The following CCDC148 variants were observed in gnomAD, a reference collection of about 807,000 sequenced individuals.
The protein encoded by CCDC148 is coiled-coil domain containing 148.
Under a neutral mutation model 85.7 loss-of-function variants are expected in CCDC148, and 89 were observed. The observed-to-expected ratio is 1.04, with a 90% CI of 0.87 to 1.24. The LOEUF (loss-of-function observed/expected upper bound fraction) is 1.24. Among genes scored for constraint, CCDC148 ranks in the 50% most tolerant of loss-of-function variants. The pLI is 0.00. For missense variants in CCDC148, 692 were observed against 671.7 expected, an observed-to-expected ratio of 1.03 and a Z score of -0.33; for synonymous variants, 230 against 213.9, an observed-to-expected ratio of 1.08 and a Z score of -0.66.
intron 7 of CCDC148, among the ~76,000 whole-genome samples, chr2:158,330,963 C>T (rs1448890735): frequency 2.6e-5 from 4 of 152,052 alleles, no homozygotes; most frequent in Non-Finnish European, 5.9e-5. Context: ...AAAACAAGCT[C>T]CTGGATTCAT....
intron 2 of CCDC148, among the ~76,000 whole-genome samples, chr2:158,352,455 C>CAGG (rs1388463858): frequency 6.6e-6 from 1 of 152,112 alleles, no homozygotes; most frequent in Non-Finnish European, 1.5e-5. Flanking sequence ...CCAATGCGAT[C>CAGG]AGCTGGAAGA....
At chr2:158,277,868 T>C (rs970560856) in intron 9 of CCDC148, among the ~76,000 whole-genome samples, 1 of 150,012 alleles carries the variant, frequency 6.7e-6, no homozygotes, top group African/African-American at 2.4e-5. Flanking sequence ...AGGAGTTATG[T>C]TTTTTATTTT....
intron 3 of CCDC148, among the ~76,000 whole-genome samples, chr2:158,341,309 AT>A (rs10552652): frequency 0.66 from 91,287 of 138,664 alleles, 31,754 homozygotes; most frequent in South Asian, 0.78. Flanking sequence ...GTACATACAT[AT>A]TTTTTTTTTT....
At chr2:158,330,802 T>C (rs527553871) in intron 7 of CCDC148, among the ~76,000 whole-genome samples, 2 of 152,160 alleles carry the variant, frequency 1.3e-5, no homozygotes, top group African/African-American at 4.8e-5. Flanking sequence ...TGCATAGAGG[T>C]GTTTATAGTA....
chr2:158,416,783 G>A (rs1386820505), intron 1 of CCDC148, among the ~76,000 whole-genome samples: 2 of 152,042 alleles, frequency 1.3e-5, no homozygotes, highest in African/African-American at 4.8e-5. Context: ...CACATTTTCA[G>A]GTATCTTTAT....
chr2:158,183,007 C>T (rs543465967), intron 11 of CCDC148, among the ~76,000 whole-genome samples: 1 of 152,218 alleles, frequency 6.6e-6, no homozygotes, highest in Admixed American at 6.5e-5. Flanking sequence ...AGTGGCTAAA[C>T]TCAATAGTTT....
At chr2:158,421,472 C>A (rs1686778265) in intron 1 of CCDC148, among the ~76,000 whole-genome samples, 1 of 152,152 alleles carries the variant, frequency 6.6e-6, no homozygotes. Context: ...ACTGAACAAC[C>A]TACTCCTGAA....
chr2:158,365,899 A>G, intron 1 of CCDC148: 1 of 697,546 alleles, frequency 1.4e-6, no homozygotes, highest in South Asian at 2.3e-5. Flanking sequence ...ATGTAACCAG[A>G]AAGTGAGCTT....
chr2:158,432,259 G>C (rs1264599182), intron 1 of CCDC148, among the ~76,000 whole-genome samples: 1 of 151,582 alleles, frequency 6.6e-6, no homozygotes, highest in African/African-American at 2.4e-5. Flanking sequence ...AGGATGGTAG[G>C]CTTACATCCA....
rs1686873750 is a variant in CCDC148, at chr2:158,422,915, T to A, written c.25+33500A>T. 6.6e-5 allele frequency among the ~76,000 whole-genome samples: 10 copies of A among 151,898 alleles called. No individual in the cohort carries two copies. In the South Asian group the frequency reaches 1.9e-3, roughly 28 times the overall value. On this transcript the variant is annotated intron_variant, in intron 1 of 13. Coordinates refer to ENST00000283233, the MANE Select transcript of CCDC148 (RefSeq NM_138803.4). ...AGGATACAAAATCAATGTGCAAAAA[T>A]CACAAGCGGTCCTATACACCAATAA... is the stretch of plus-strand genomic sequence containing the variant.
At chr2:158,244,546 A>C (rs1034971010) in intron 10 of CCDC148, among the ~76,000 whole-genome samples, 1 of 152,016 alleles carries the variant, frequency 6.6e-6, no homozygotes, top group Non-Finnish European at 1.5e-5. Flanking sequence ...GGCCACCCTC[A>C]TCTCCTTGAG....
At chr2:158,311,245 A>G (rs1447249927) in intron 8 of CCDC148, among the ~76,000 whole-genome samples, 4 of 152,216 alleles carry the variant, frequency 2.6e-5, no homozygotes, top group African/African-American at 9.6e-5. Flanking sequence ...CGAGGTGGGC[A>G]GATCACTCGA....
At chr2:158,449,779 G>A (rs1327434384) in intron 1 of CCDC148, among the ~76,000 whole-genome samples, 2 of 152,136 alleles carry the variant, frequency 1.3e-5, no homozygotes, top group Non-Finnish European at 2.9e-5. Context: ...AGACAGGTAC[G>A]TTCAAAGTGG....
At chr2:158,441,760 G>A (rs899191653) in intron 1 of CCDC148, among the ~76,000 whole-genome samples, 1 of 152,110 alleles carries the variant, frequency 6.6e-6, no homozygotes, top group Admixed American at 6.5e-5. Context: ...CCTTAGAAGA[G>A]AGGAAAAGTG....
chr2:158,203,981 T>A (rs1671842774), intron 11 of CCDC148, among the ~76,000 whole-genome samples: 1 of 152,222 alleles, frequency 6.6e-6, no homozygotes, highest in Non-Finnish European at 1.5e-5. Context: ...AATTCCTTAT[T>A]CCTGTAGTTT....
At chr2:158,395,774 C>A (rs564871973) in intron 1 of CCDC148, among the ~76,000 whole-genome samples, 9 of 152,250 alleles carry the variant, frequency 5.9e-5, no homozygotes, top group Non-Finnish European at 1.0e-4. Context: ...TAGAGCTATA[C>A]ATTTTTGGCA....
At chr2:158,269,988 A>G (rs1426369652) in intron 9 of CCDC148, among the ~76,000 whole-genome samples, 2 of 152,168 alleles carry the variant, frequency 1.3e-5, no homozygotes, top group African/African-American at 2.4e-5. Flanking sequence ...GAACACAAGT[A>G]TGCATTTTTT....
At chr2:158,218,122 G>A (rs972120821) in intron 11 of CCDC148, among the ~76,000 whole-genome samples, 7 of 151,962 alleles carry the variant, frequency 4.6e-5, no homozygotes, top group African/African-American at 1.7e-4. Context: ...TATTTTAAAG[G>A]CCTTTTTCAC....
chr2:158,377,150 C>CT (rs966661545), intron 1 of CCDC148, among the ~76,000 whole-genome samples: 1 of 151,682 alleles, frequency 6.6e-6, no homozygotes, highest in Non-Finnish European at 1.5e-5. Flanking sequence ...TTTGAAAGTC[C>CT]TTTTTCAAAA....
Sources: gnomAD v4.1 joint callset for allele counts (sites outside exome capture counted in the v4.1 genomes callset) on GRCh38, gnomAD v4.1.1 for gene constraint, MANE v1.5 for transcripts, NCBI Gene and HGNC (gene_info 2026-07-23, HGNC 2026-07-21) for gene names.